Variants in FAM114A2 observed in about 807,000 individuals in gnomAD.
FAM114A2 encodes protein FAM114A2.
In FAM114A2, 53 loss-of-function variants were observed where a neutral mutation model predicts 58.4. The ratio of observed to expected loss-of-function variants is 0.91; its 90% CI spans 0.73 to 1.14. The LOEUF (loss-of-function observed/expected upper bound fraction) is 1.14, where lower values mean the gene tolerates loss of function less well. FAM114A2 is among the 50% of genes most tolerant of loss of function. The pLI is 0.00. For synonymous variants in FAM114A2, 228 were observed against 211.4 expected, an observed-to-expected ratio of 1.08 and a Z score of -0.68; for missense variants, 601 against 581.1, an observed-to-expected ratio of 1.03 and a Z score of -0.35.
At chr5:154,007,314 G>A (rs1372270868) in intron 9 of FAM114A2, among the ~76,000 whole-genome samples, 2 of 152,200 alleles carry the variant, frequency 1.3e-5, no homozygotes, top group African/African-American at 4.8e-5. Flanking sequence ...TTCTCCAAAA[G>A]CTTATTTATT....
At chr5:154,003,281 C>G (rs1241605339) in intron 9 of FAM114A2, among the ~76,000 whole-genome samples, 1 of 151,520 alleles carries the variant, frequency 6.6e-6, no homozygotes, top group Admixed American at 6.6e-5. Flanking sequence ...TGGGTCCAAG[C>G]GATTCTCCTG....
chr5:154,033,688 G>A (rs113505358), intron 4 of FAM114A2, 103 bp downstream of exon 4: 110 of 684,550 alleles, frequency 1.6e-4, no homozygotes, highest in Admixed American at 1.3e-3. Flanking sequence ...ACAGTCCCAC[G>A]ATGCCCTGAG....
chr5:154,013,361 C>T (rs918825402), intron 8 of FAM114A2, among the ~76,000 whole-genome samples: 47 of 152,274 alleles, frequency 3.1e-4, no homozygotes, highest in African/African-American at 1.0e-3. Flanking sequence ...ATAACCAGAA[C>T]CAGTTTCTAT....
chr5:153,997,907 T>G, intron 11 of FAM114A2, 32 bp from the exon 12 acceptor site: 1 of 1,329,158 alleles, frequency 7.5e-7, no homozygotes, highest in Non-Finnish European at 1.1e-6. Flanking sequence ...AGAAACGTTT[T>G]TTCTTTTTTT....
At chr5:154,010,754 A>C (rs1174547025) in intron 9 of FAM114A2, among the ~76,000 whole-genome samples, 2 of 152,202 alleles carry the variant, frequency 1.3e-5, no homozygotes, top group Non-Finnish European at 2.9e-5. Context: ...ATCAGCACCA[A>C]AAATAAGGGC....
chr5:154,019,125 T>C (rs1015490398), intron 8 of FAM114A2, among the ~76,000 whole-genome samples: 5 of 152,136 alleles, frequency 3.3e-5, no homozygotes, highest in African/African-American at 2.4e-5. Context: ...ACTGTCACTG[T>C]TTGCTGATGA....
chr5:153,995,556 T>A (rs1340315759), intron 12 of FAM114A2, among the ~76,000 whole-genome samples: 1 of 152,106 alleles, frequency 6.6e-6, no homozygotes, highest in Non-Finnish European at 1.5e-5. Context: ...TTTTAAAAAA[T>A]TAACTTAGGC....
chr5:154,003,016 A>G, intron 9 of FAM114A2, 47 bp from the exon 10 acceptor site: 1 of 1,585,766 alleles, frequency 6.3e-7, no homozygotes, highest in African/African-American at 1.3e-5. Context: ...TCAGTTTACC[A>G]AAATTACTGT....
intron 1 of FAM114A2, 32 bp from the exon 2 acceptor site, chr5:154,034,999 A>G (rs937636023): frequency 1.5e-6 from 2 of 1,338,488 alleles, no homozygotes; most frequent in African/African-American, 1.5e-5. Context: ...AAAAATTTAT[A>G]TAGGCTTCTT....
chr5:154,016,432 C>T (rs1771045243), intron 8 of FAM114A2, among the ~76,000 whole-genome samples: 2 of 152,160 alleles, frequency 1.3e-5, no homozygotes, highest in Non-Finnish European at 2.9e-5. Flanking sequence ...AGAAACCCTA[C>T]AAGCTAGAAG....
chr5:154,008,927 C>G (rs912515795), intron 9 of FAM114A2, among the ~76,000 whole-genome samples: 2 of 152,068 alleles, frequency 1.3e-5, no homozygotes, highest in South Asian at 4.2e-4. Flanking sequence ...AGGAAAAACC[C>G]TGTAGGGATG....
intron 8 of FAM114A2, among the ~76,000 whole-genome samples, chr5:154,021,411 C>A (rs1771412592): frequency 6.6e-6 from 1 of 152,102 alleles, no homozygotes. Context: ...TTGTCTCAGC[C>A]CAAAATCTCC....
rs763987129 is a variant in FAM114A2 at position 153,997,892 on chromosome 5, A to G, written c.1257-17T>C. On this transcript the variant is annotated splice_polypyrimidine_tract_variant and intron_variant, in intron 11 of 13. Transcript: ENST00000351797. Reference sequence around the variant, plus strand: ...ATTGTCATCCTAGGAAAGAAAGGAAAAGTCAGAAACGTTTTTTCTTTTTTT... The same window carrying G: ...ATTGTCATCCTAGGAAAGAAAGGAAGAGTCAGAAACGTTTTTTCTTTTTTT... 1 of 1,509,656 alleles carries G rather than the reference A, an allele frequency of 6.6e-7. No individual in the cohort carries two copies. The highest frequency in any genetic ancestry group is 9.1e-7 in the Non-Finnish European group (1 of 1,097,600). 93.5% of individuals were successfully genotyped at this position (1,509,656 alleles called of 1,614,324 possible). A position where few individuals can be genotyped will look rare whatever the true frequency, so the allele number is the denominator to read the frequency against.
At chr5:154,030,876 C>A (rs1440300754) in intron 4 of FAM114A2, among the ~76,000 whole-genome samples, 1 of 152,134 alleles carries the variant, frequency 6.6e-6, no homozygotes, top group East Asian at 1.9e-4. Flanking sequence ...AGACATTTGA[C>A]CTCCAACCAC....
intron 11 of FAM114A2, among the ~76,000 whole-genome samples, chr5:154,000,475 T>TA (rs1769903721): frequency 7.1e-6 from 1 of 140,470 alleles, no homozygotes; most frequent in African/African-American, 2.6e-5. Context: ...ATATATATAT[T>TA]ATGTATCAGT....
chr5:154,021,414 A>G (rs1771412777), intron 8 of FAM114A2, among the ~76,000 whole-genome samples: 2 of 152,194 alleles, frequency 1.3e-5, no homozygotes, highest in South Asian at 4.1e-4. Flanking sequence ...TCTCAGCCCA[A>G]AATCTCCTTA....
At chr5:153,993,313 G>A (rs971029685) in intron 13 of FAM114A2, among the ~76,000 whole-genome samples, 2 of 152,016 alleles carry the variant, frequency 1.3e-5, no homozygotes, top group African/African-American at 4.8e-5. Flanking sequence ...AGCACCAAAA[G>A]AGAATGTCAG....
intron 8 of FAM114A2, among the ~76,000 whole-genome samples, chr5:154,013,574 C>T (rs752105860): frequency 1.2e-4 from 18 of 152,182 alleles, no homozygotes; most frequent in Non-Finnish European, 2.2e-4. Context: ...ATCATAGACA[C>T]AAATCCATCT....
At chr5:154,036,594 A>C (rs1772576493) in intron 1 of FAM114A2, 1 of 152,206 alleles carries the variant, frequency 6.6e-6, no homozygotes, top group Admixed American at 6.5e-5. Flanking sequence ...GCAGCACTAT[A>C]ACAGGTGCTG....
Sources: gnomAD v4.1 joint callset for allele counts (sites outside exome capture counted in the v4.1 genomes callset) on GRCh38, gnomAD v4.1.1 for gene constraint, MANE v1.5 for transcripts, NCBI Gene and HGNC (gene_info 2026-07-23, HGNC 2026-07-21) for gene names.